The following ROBO1 variants were observed in gnomAD, a reference collection of about 807,000 sequenced individuals.
ROBO1 encodes roundabout guidance receptor 1.
In ROBO1, 149 loss-of-function variants were observed where a neutral mutation model predicts 195.9. That is an observed-to-expected ratio of 0.76 (90% confidence interval 0.67 to 0.87). The LOEUF (loss-of-function observed/expected upper bound fraction) is 0.87. Among genes scored for constraint, ROBO1 ranks in the 40% least tolerant of loss-of-function variants. The pLI is 0.00. For missense variants in ROBO1, 1,933 were observed against 2,068.3 expected (o/e 0.93, Z 1.27); for synonymous variants, 816 against 733.2 (o/e 1.11, Z -1.82).
chr3:79,298,563 C>A (rs1209990550), intron 2 of ROBO1, among the ~76,000 whole-genome samples: 1 of 151,990 alleles, frequency 6.6e-6, no homozygotes, highest in Non-Finnish European at 1.5e-5. Context: ...GATAGAATTT[C>A]TTTTTCTTAT....
rs542533433 is a variant in ROBO1, at chr3:78,974,349, A to T, written c.173-35422T>A. On this transcript the variant is annotated intron_variant, in intron 3 of 30. Coordinates refer to ENST00000464233, the MANE Select transcript of ROBO1 (RefSeq NM_002941.4). ...GGAAATTAAAAAAAAGAAGAAGAAA[A>T]AAAAGGACACTTTTCTTGATGGAAT... Among the ~76,000 whole-genome samples the T allele has an allele frequency of 3.3e-5, 5 of 152,288 alleles. No individual in the cohort carries two copies. The South Asian group carries it at 1.0e-3, about 32-fold the overall frequency.
At chr3:79,665,740 A>G (rs1235526178) in intron 1 of ROBO1, among the ~76,000 whole-genome samples, 2 of 151,972 alleles carry the variant, frequency 1.3e-5, no homozygotes, top group Admixed American at 1.3e-4. Flanking sequence ...TCAAACAGAA[A>G]GTAGACAGTG....
At chr3:79,207,913 G>A (rs977287797) in intron 2 of ROBO1, among the ~76,000 whole-genome samples, 10 of 151,978 alleles carry the variant, frequency 6.6e-5, no homozygotes, top group African/African-American at 2.4e-4. Context: ...GAGACATCAA[G>A]TAATTTATTT....
At chr3:78,927,938 A>T (rs571549930) in intron 4 of ROBO1, among the ~76,000 whole-genome samples, 1 of 152,316 alleles carries the variant, frequency 6.6e-6, no homozygotes, top group Non-Finnish European at 1.5e-5. Flanking sequence ...GAATGAGCCT[A>T]ACATAGTAAA....
intron 2 of ROBO1, among the ~76,000 whole-genome samples, chr3:79,182,189 T>C (rs140560446): frequency 6.6e-6 from 1 of 152,286 alleles, no homozygotes; most frequent in East Asian, 1.9e-4. Flanking sequence ...GAACCTAGAA[T>C]TGTAGACAAA....
chr3:79,476,742 T>G (rs4516570), intron 2 of ROBO1, among the ~76,000 whole-genome samples: 5,434 of 151,818 alleles, frequency 0.036, 337 homozygotes, highest in African/African-American at 0.12. Context: ...AATGATACAA[T>G]GGACTTTGAG....
intron 2 of ROBO1, among the ~76,000 whole-genome samples, chr3:79,381,240 C>CTTGG (rs1208048895): frequency 6.6e-6 from 1 of 150,944 alleles, no homozygotes; most frequent in Non-Finnish European, 1.5e-5. Context: ...GCCTGTAATC[C>CTTGG]CAGCTACTTG....
intron 4 of ROBO1, among the ~76,000 whole-genome samples, chr3:78,819,172 T>C (rs540638437): frequency 9.2e-5 from 14 of 152,192 alleles, no homozygotes; most frequent in Admixed American, 5.2e-4. Context: ...TTGTCACAGA[T>C]GTTGTGAACA....
intron 3 of ROBO1, among the ~76,000 whole-genome samples, chr3:79,109,349 CTT>C (rs1559665685): frequency 6.6e-6 from 1 of 151,870 alleles, no homozygotes; most frequent in South Asian, 2.1e-4. Context: ...TCTCAAAACT[CTT>C]TTATCTCAAG....
chr3:79,757,061 T>C (rs1559559700), intron 1 of ROBO1, among the ~76,000 whole-genome samples: 5 of 152,218 alleles, frequency 3.3e-5, no homozygotes, highest in Admixed American at 2.6e-4. Flanking sequence ...ATTCATTCAT[T>C]CATCCATAGA....
intron 1 of ROBO1, among the ~76,000 whole-genome samples, chr3:79,649,403 CGAT>C (rs1429833306): frequency 4.6e-5 from 7 of 151,816 alleles, no homozygotes; most frequent in South Asian, 4.2e-4. Context: ...AAACCTGAAG[CGAT>C]AATAAAGACT....
intron 2 of ROBO1, among the ~76,000 whole-genome samples, chr3:79,140,123 G>A (rs1455620851): frequency 6.6e-6 from 1 of 152,084 alleles, no homozygotes; most frequent in African/African-American, 2.4e-5. Flanking sequence ...AGTAAAAACT[G>A]AGATCTCCTT....
intron 2 of ROBO1, among the ~76,000 whole-genome samples, chr3:79,539,896 C>A (rs1942001842): frequency 1.3e-5 from 2 of 151,358 alleles, no homozygotes; most frequent in Non-Finnish European, 2.9e-5. Flanking sequence ...GACTATTGCC[C>A]AGAGGAATTC....
chr3:78,686,322 C>A (rs891406295), intron 9 of ROBO1, among the ~76,000 whole-genome samples: 2 of 151,884 alleles, frequency 1.3e-5, no homozygotes, highest in Non-Finnish European at 2.9e-5. Context: ...TTTGGGAGGC[C>A]GAGGCAGGCG....
chr3:79,576,807 G>A (rs1431211923), intron 2 of ROBO1, among the ~76,000 whole-genome samples: 1 of 152,164 alleles, frequency 6.6e-6, no homozygotes, highest in African/African-American at 2.4e-5. Flanking sequence ...TAAACCTTGT[G>A]TTTGAAACTT....
chr3:79,190,381 CTTTGA>C (rs2081516706), intron 2 of ROBO1, among the ~76,000 whole-genome samples: 1 of 151,550 alleles, frequency 6.6e-6, no homozygotes, highest in Non-Finnish European at 1.5e-5. Flanking sequence ...TTTTATATAA[CTTTGA>C]TTTAATTTTG....
intron 2 of ROBO1, among the ~76,000 whole-genome samples, chr3:79,238,783 T>C (rs926351772): frequency 4.6e-5 from 7 of 152,204 alleles, no homozygotes; most frequent in African/African-American, 1.4e-4. Flanking sequence ...CATTAATTTT[T>C]AACTGCTTAG....
intron 4 of ROBO1, among the ~76,000 whole-genome samples, chr3:78,788,273 G>A (rs1471486095): frequency 2.1e-5 from 3 of 142,524 alleles, no homozygotes; most frequent in African/African-American, 5.1e-5. Context: ...CCGCCACCAC[G>A]CCCAGATAAT....
chr3:79,080,931 C>A (rs1018852168), intron 3 of ROBO1, among the ~76,000 whole-genome samples: 1 of 151,900 alleles, frequency 6.6e-6, no homozygotes, highest in Non-Finnish European at 1.5e-5. Context: ...CAAAGAAAAA[C>A]CTTTCTGAAT....
Sources: allele counts gnomAD v4.1 joint callset (sites outside exome capture counted in the v4.1 genomes callset), GRCh38; gene constraint gnomAD v4.1.1; transcripts MANE v1.5; gene names NCBI Gene and HGNC (gene_info 2026-07-23, HGNC 2026-07-21).